MTUS2: variants seen among roughly 807,000 people sequenced by gnomAD.
The protein encoded by MTUS2 is microtubule associated scaffold protein 2, also known as microtubule-associated tumor suppressor candidate 2.
Under a neutral mutation model 114.1 loss-of-function variants are expected in MTUS2, and 40 were observed. The observed-to-expected ratio is 0.35, with a 90% CI of 0.27 to 0.46. MTUS2 has a LOEUF of 0.46. Ranked by LOEUF, MTUS2 falls within the 20% of genes least tolerant of loss-of-function variation. The pLI is 1.00. For synonymous variants in MTUS2, 688 were observed against 672.0 expected (o/e 1.02, Z -0.37); for missense variants, 1,679 against 1,705.4 (o/e 0.98, Z 0.27).
intron 5 of MTUS2, among the ~76,000 whole-genome samples, chr13:29,142,329 A>G (rs995193927): frequency 6.6e-6 from 1 of 152,202 alleles, no homozygotes; most frequent in Non-Finnish European, 1.5e-5. Flanking sequence ...TTGAAGCCCA[A>G]TAATTTGTGT....
intron 2 of MTUS2, among the ~76,000 whole-genome samples, chr13:28,980,301 A>C (rs1884302780): frequency 6.6e-6 from 1 of 152,188 alleles, no homozygotes; most frequent in African/African-American, 2.4e-5. Context: ...ATTTGTTTAC[A>C]TTGTTAAAAA....
chr13:29,231,578 G>T (rs892914339), intron 5 of MTUS2, among the ~76,000 whole-genome samples: 14 of 152,276 alleles, frequency 9.2e-5, no homozygotes, highest in Non-Finnish European at 1.8e-4. Context: ...ATTTCTGTGT[G>T]TTCAGGATAC....
intron 5 of MTUS2, among the ~76,000 whole-genome samples, chr13:29,128,880 G>A (rs1891633033): frequency 6.6e-6 from 1 of 152,082 alleles, no homozygotes; most frequent in South Asian, 2.1e-4. Flanking sequence ...AAGTCTAAAT[G>A]TATTCGGTGA....
chr13:28,994,028 A>C (rs1405809445), intron 2 of MTUS2, among the ~76,000 whole-genome samples: 1 of 151,892 alleles, frequency 6.6e-6, no homozygotes, highest in Non-Finnish European at 1.5e-5. Flanking sequence ...CATTAGGTGT[A>C]TCTCCTAATG....
chr13:29,151,517 A>G (rs1233946920), intron 5 of MTUS2, among the ~76,000 whole-genome samples: 1 of 152,094 alleles, frequency 6.6e-6, no homozygotes, highest in African/African-American at 2.4e-5. Context: ...TCCTGTTTGG[A>G]TGCCTTTATT....
At chr13:28,992,669 C>T (rs925541024) in intron 2 of MTUS2, among the ~76,000 whole-genome samples, 2 of 152,186 alleles carry the variant, frequency 1.3e-5, no homozygotes, top group Non-Finnish European at 2.9e-5. Flanking sequence ...GGCCATCCCT[C>T]GCATGCTCCC....
At chr13:29,498,378 G>T in intron 13 of MTUS2, 40 bp from the exon 14 acceptor site, 1 of 1,611,428 alleles carries the variant, frequency 6.2e-7, no homozygotes, top group Non-Finnish European at 8.5e-7. Flanking sequence ...GGTTTTGCCG[G>T]GAATCCTGGT....
chr13:29,420,084 G>A (rs1160989086), intron 8 of MTUS2, among the ~76,000 whole-genome samples: 1 of 151,986 alleles, frequency 6.6e-6, no homozygotes, highest in African/African-American at 2.4e-5. Context: ...ACCTTATATA[G>A]TAGATAGTTT....
chr13:29,501,307 G>GT (rs1283093558), intron 15 of MTUS2, 113 bp downstream of exon 15: 1 of 788,336 alleles, frequency 1.3e-6, no homozygotes, highest in Admixed American at 2.4e-5. Flanking sequence ...GTCTCTTGCT[G>GT]TTTTCCCCAA....
intron 5 of MTUS2, among the ~76,000 whole-genome samples, chr13:29,166,835 A>T (rs1328907840): frequency 6.6e-6 from 1 of 152,202 alleles, no homozygotes; most frequent in Non-Finnish European, 1.5e-5. Flanking sequence ...CTTGAAAAAA[A>T]ATTAGTTTTA....
chr13:29,172,478 A>G (rs1893604062), intron 5 of MTUS2, among the ~76,000 whole-genome samples: 1 of 152,234 alleles, frequency 6.6e-6, no homozygotes, highest in Admixed American at 6.5e-5. Flanking sequence ...AAATGGTGTA[A>G]TGAATTAAAG....
chr13:28,945,179 TTA>T (rs33929048), intron 2 of MTUS2, among the ~76,000 whole-genome samples: 4 of 147,214 alleles, frequency 2.7e-5, no homozygotes, highest in African/African-American at 7.7e-5. Context: ...TAGTATTCCA[TTA>T]TATATATATA....
intron 5 of MTUS2, among the ~76,000 whole-genome samples, chr13:29,105,749 A>C (rs1890638699): frequency 6.6e-6 from 1 of 151,944 alleles, no homozygotes; most frequent in South Asian, 2.1e-4. Flanking sequence ...CGCATAAATA[A>C]TCCTGGCAAA....
At chr13:29,422,172 C>G (rs9579371) in intron 8 of MTUS2, among the ~76,000 whole-genome samples, 2,452 of 152,264 alleles carry the variant, frequency 0.016, 28 homozygotes, top group Non-Finnish European at 0.025. Flanking sequence ...AGATGGAAGG[C>G]TTCCAAATTA....
chr13:29,411,719 C>T (rs973209705), intron 8 of MTUS2, among the ~76,000 whole-genome samples: 3 of 152,158 alleles, frequency 2.0e-5, no homozygotes, highest in Non-Finnish European at 4.4e-5. Flanking sequence ...GAAATGATTT[C>T]CATTCATTTG....
intron 5 of MTUS2, among the ~76,000 whole-genome samples, chr13:29,260,092 CT>C (rs1222484765): frequency 6.6e-5 from 10 of 152,146 alleles, no homozygotes; most frequent in Non-Finnish European, 1.0e-4. Context: ...AATTTTAGCA[CT>C]TTTAAAACTG....
rs139937132 is a variant in MTUS2, at chr13:29,139,801, G to A, written c.2644+38831G>A. On this transcript the variant is annotated intron_variant, in intron 5 of 15. Coordinates refer to ENST00000612955, the MANE Select transcript of MTUS2 (RefSeq NM_001033602.4). ...TTTTGTGCCATGATTCCTCATTCTC[G>A]TGCTCTTAGACTTATGGTTGGTGAA... is the stretch of plus-strand genomic sequence containing the variant. 2.0e-3 allele frequency among the ~76,000 whole-genome samples: 306 copies of A among 152,154 alleles called. 1 individual carries two copies. Among genetic ancestry groups the A allele is most frequent in the Non-Finnish European group, 2.5e-3 (170 of 68,004 alleles).
chr13:29,363,266 G>A (rs1471921046), intron 8 of MTUS2, among the ~76,000 whole-genome samples: 1 of 152,058 alleles, frequency 6.6e-6, no homozygotes. Context: ...CATTACCTGA[G>A]GGTACATGGA....
intron 2 of MTUS2, among the ~76,000 whole-genome samples, chr13:28,948,552 A>T (rs1050112007): frequency 6.6e-6 from 1 of 152,192 alleles, no homozygotes; most frequent in Non-Finnish European, 1.5e-5. Context: ...TTAGAAAATT[A>T]GTCTTCTTGA....
Sources: allele counts gnomAD v4.1 joint callset (sites outside exome capture counted in the v4.1 genomes callset), GRCh38; gene constraint gnomAD v4.1.1; transcripts MANE v1.5; gene names NCBI Gene and HGNC (gene_info 2026-07-23, HGNC 2026-07-21).